The following SREBF2 variants were observed in gnomAD, a reference collection of about 807,000 sequenced individuals.
SREBF2 encodes the protein sterol regulatory element-binding protein 2.
A neutral mutation model predicts 113.1 loss-of-function variants in SREBF2; 55 were observed. The observed-to-expected ratio is 0.49, with a 90% CI of 0.39 to 0.61. The LOEUF (loss-of-function observed/expected upper bound fraction) is 0.61, where lower values mean the gene tolerates loss of function less well. Ranked by LOEUF, SREBF2 falls within the 20% of genes least tolerant of loss-of-function variation. The pLI, the probability that SREBF2 is intolerant of heterozygous loss-of-function variation, is 0.00. For missense variants in SREBF2, 1,349 were observed against 1,487.4 expected (o/e 0.91, Z 1.53); for synonymous variants, 593 against 605.7 (o/e 0.98, Z 0.31).
Position 41,880,765 on chromosome 22 carries a change from T to G in SREBF2, c.1811T>G (p.Leu604Trp). The change falls in exon 10 of 19, where the codon TTG (leucine) becomes TGG (tryptophan). Residue 604 changes from leucine (L) to tryptophan (W), a missense_variant. Leu to Trp is a moderately conservative substitution (Grantham distance 61). Transcript: ENST00000361204. The part of the protein sequence containing the change: ...AGNLQTCLAV[L>W]GRALPTSRLD... ...AACCTACAAACCTGCCTGGCAGTTT[T>G]GGGCCGGGCACTGCCCACCTCCCGC... 3 of 1,614,186 alleles carry G rather than the reference T, an allele frequency of 1.9e-6. No individual in the cohort carries two copies. The highest frequency in any genetic ancestry group is 2.5e-6 in the Non-Finnish European group (3 of 1,180,036).
chr22:41,878,845 T>C (rs1365609272), intron 9 of SREBF2: 2 of 861,856 alleles, frequency 2.3e-6, no homozygotes, highest in Non-Finnish European at 3.4e-6. Flanking sequence ...CTGTCAGCCT[T>C]GCTGGGGCTA....
At chr22:41,885,635 A>G (rs949131249) in intron 11 of SREBF2, 2 of 161,902 alleles carry the variant, frequency 1.2e-5, no homozygotes, top group Admixed American at 1.1e-4. Context: ...CAAATGGGTA[A>G]TTCCCGGTCC....
At position 41,844,048 on chromosome 22, in the gene SREBF2, A is replaced by ACACACACG. The variant is rs1556029657; in HGVS notation, c.88+10697_88+10698insGCACACAC. ...AAAAAATACATACACACACACACAC[A>ACACACACG]CACACACACACACACACGTATATGT... On this transcript the variant is annotated intron_variant, in intron 1 of 18. Transcript: ENST00000361204. Among the ~76,000 whole-genome samples the ACACACACG allele has an allele frequency of 1.9e-3, 280 of 146,022 alleles. 4 individuals carry two copies. The highest frequency in any genetic ancestry group is 3.1e-3 in the Non-Finnish European group (208 of 67,286).
chr22:41,860,560 G>T (rs567232139), intron 1 of SREBF2, among the ~76,000 whole-genome samples: 2 of 152,160 alleles, frequency 1.3e-5, no homozygotes, highest in Non-Finnish European at 2.9e-5. Context: ...ATAGAGAAGT[G>T]GGGGAACAAA....
In SREBF2 at chr22:41,833,175, G is replaced by A. The variant is rs901988889; in HGVS notation, c.-96G>A. 1.3e-5 allele frequency: 12 copies of A among 952,464 alleles called. No individual in the cohort carries two copies. The highest frequency in any genetic ancestry group is 1.8e-5 in the Non-Finnish European group (12 of 677,330). The allele number at this position is 952,464 out of a possible 1,614,324, so 59.0% of individuals were successfully genotyped here. On this transcript the variant is annotated 5_prime_UTR_variant, in exon 1 of 19. Transcript: ENST00000361204. The surrounding 1 kb of genome is among the most constrained non-coding windows in gnomAD (Gnocchi z 4.1). ...GCACCCGTCGGTGAGGCGGTGCCGG[G>A]CGGGGGTTGTCGGGTGTCATGGGCG...
intron 1 of SREBF2, among the ~76,000 whole-genome samples, chr22:41,849,180 A>T (rs993316342): frequency 6.6e-6 from 1 of 151,708 alleles, no homozygotes; most frequent in Non-Finnish European, 1.5e-5. Context: ...TGGCAGATTT[A>T]TTATTTATTT....
At position 41,852,997 on chromosome 22, in the gene SREBF2, G is replaced by A. The variant is rs191429912; in HGVS notation, c.89-13834G>A. 2.6e-5 allele frequency among the ~76,000 whole-genome samples: 4 copies of A among 152,120 alleles called. No individual in the cohort carries two copies. The East Asian group carries it at 5.8e-4, about 22-fold the overall frequency. On this transcript the variant is annotated intron_variant, in intron 1 of 18. Transcript: ENST00000361204. ...ACTCCTGACCTCAAGTGATCCACCC[G>A]CCTTGGCGTCCCAAAGTGCTGGGAT...
intron 10 of SREBF2, among the ~76,000 whole-genome samples, chr22:41,881,657 C>T (rs1398415979): frequency 1.3e-5 from 2 of 152,158 alleles, no homozygotes; most frequent in African/African-American, 4.8e-5. Flanking sequence ...GGCACAAAGG[C>T]AGTACTCAGA....
At chr22:41,877,119 C>T (rs758741170) in intron 7 of SREBF2, 110 bp from the exon 8 acceptor site, 25 of 1,142,824 alleles carry the variant, frequency 2.2e-5, no homozygotes, top group African/African-American at 1.1e-4. Flanking sequence ...CTGAGTTAAT[C>T]GACTTGAATT....
At chr22:41,839,262 G>T (rs2076805995) in intron 1 of SREBF2, among the ~76,000 whole-genome samples, 1 of 152,146 alleles carries the variant, frequency 6.6e-6, no homozygotes, top group Non-Finnish European at 1.5e-5. Flanking sequence ...GCTGAAATTG[G>T]GGTGCCTGGG....
At chr22:41,891,502 T>C (rs979647796) in intron 11 of SREBF2, 2 of 152,246 alleles carry the variant, frequency 1.3e-5, no homozygotes, top group African/African-American at 4.8e-5. Context: ...TGTCTCCAGG[T>C]TCCCCCTGGA....
At chr22:41,844,203 A>G (rs2076857362) in intron 1 of SREBF2, among the ~76,000 whole-genome samples, 1 of 151,996 alleles carries the variant, frequency 6.6e-6, no homozygotes. Flanking sequence ...ACCTTAGCTC[A>G]CTTAGTTCTT....
At chr22:41,870,756 A>AT in intron 3 of SREBF2, 133 bp from the exon 4 acceptor site, 4 of 1,306,890 alleles carry the variant, frequency 3.1e-6, no homozygotes, top group African/African-American at 1.5e-5. Flanking sequence ...TTTCCTGTTC[A>AT]TTTTTTTATT....
At chr22:41,876,403 G>C (rs1457172053) in intron 7 of SREBF2, among the ~76,000 whole-genome samples, 1 of 152,094 alleles carries the variant, frequency 6.6e-6, no homozygotes. Context: ...CTCCATTTTT[G>C]AAATATTCTT....
Position 41,875,722 on chromosome 22 carries a change from A to G in SREBF2, c.1384A>G (p.Lys462Glu). The G allele has an allele frequency of 5.6e-6, 9 of 1,614,146 alleles. No homozygotes were observed. Among genetic ancestry groups the G allele is most frequent in the Non-Finnish European group, 7.6e-6 (9 of 1,180,014 alleles). ...AGGAAGCCCTCTATTGGATGATGCAAAGGTACAGACTTTTGAAATCTCCTG... is the reference window on the plus strand; with the variant it reads ...AGGAAGCCCTCTATTGGATGATGCAGAGGTACAGACTTTTGAAATCTCCTG... ...EPGSPLLDDAKVKDEPDSPPV... is the reference protein window; with the variant it reads ...EPGSPLLDDAEVKDEPDSPPV... The change falls in exon 7 of 19, where the codon AAG becomes GAG. Residue 462 changes from lysine to glutamate, a missense_variant and splice_region_variant. Lys to Glu is a moderately conservative substitution (Grantham distance 56). This residue lies in a region of SREBF2 where 699 missense variants were observed against 843.3 expected (regional missense o/e 0.83). Transcript: ENST00000361204.
rs766161551 is a variant in SREBF2 at position 41,875,688 on chromosome 22, C to T, written c.1350C>T (p.Asp450=). The T allele has an allele frequency of 4.3e-6, 7 of 1,614,114 alleles. No homozygotes were observed. The South Asian group carries it at 5.5e-5, about 13-fold the overall frequency. ...SQAGFSPYSI[D]SEPGSPLLDD... is the part of the protein sequence containing the mutation. ...CTGGCTTCTCTCCCTACTCCATTGA[C>T]TCTGAGCCAGGAAGCCCTCTATTGG... The change falls in exon 7 of 19, where the codon GAC becomes GAT. Residue 450 remains aspartate, a synonymous_variant. Transcript: ENST00000361204.
chr22:41,856,933 G>A (rs2076982312), intron 1 of SREBF2, among the ~76,000 whole-genome samples: 2 of 152,150 alleles, frequency 1.3e-5, no homozygotes, highest in East Asian at 1.9e-4. Context: ...TGGGCGTGGT[G>A]GCAGGCGGCT....
intron 1 of SREBF2, among the ~76,000 whole-genome samples, chr22:41,849,461 C>T (rs1159696727): frequency 1.3e-5 from 2 of 152,142 alleles, no homozygotes; most frequent in Admixed American, 6.5e-5. Flanking sequence ...TCCCAAAGTG[C>T]TGGGATTACA....
chr22:41,870,043 A>T (rs867682500), intron 3 of SREBF2, among the ~76,000 whole-genome samples: 1 of 151,866 alleles, frequency 6.6e-6, no homozygotes, highest in Non-Finnish European at 1.5e-5. Context: ...TTTAGTAGAG[A>T]CAGGGTTTCA....
Sources: gnomAD v4.1 joint callset for allele counts (sites outside exome capture counted in the v4.1 genomes callset) on GRCh38, gnomAD v4.1.1 for gene constraint, gnomAD v4.1.1 regional missense constraint, Gnocchi (gnomAD v3.1) non-coding constraint, MANE v1.5 for transcripts, NCBI Gene and HGNC (gene_info 2026-07-23, HGNC 2026-07-21) for gene names.